Variants in ITGA10 observed in about 807,000 individuals in gnomAD.
The protein encoded by ITGA10 is integrin alpha-10.
ITGA10 carries 105 observed loss-of-function variants against 145.2 expected under a neutral mutation model. The observed-to-expected ratio is 0.72, with a 90% CI of 0.62 to 0.85. The LOEUF (loss-of-function observed/expected upper bound fraction) is 0.85, where lower values mean the gene tolerates loss of function less well. Ranked by LOEUF, ITGA10 falls within the 40% of genes least tolerant of loss-of-function variation. The pLI, the probability that ITGA10 is intolerant of heterozygous loss-of-function variation, is 0.00. For missense variants in ITGA10, 1,317 were observed against 1,444.5 expected (o/e 0.91, Z 1.43); for synonymous variants, 506 against 557.8 (o/e 0.91, Z 1.31).
At chr1:145,896,183 C>G in intron 24 of ITGA10, 85 bp downstream of exon 24, 1 of 1,478,242 alleles carries the variant, frequency 6.8e-7, no homozygotes, top group Admixed American at 1.7e-5. Context: ...CCATTAAAAT[C>G]CAAGAGAGAC....
intron 27 of ITGA10, among the ~76,000 whole-genome samples, chr1:145,894,944 G>T (rs1363991929): frequency 6.6e-6 from 1 of 152,034 alleles, no homozygotes; most frequent in Non-Finnish European, 1.5e-5. Flanking sequence ...TCCTGCAAAT[G>T]TTGATTGATA....
Position 145,906,426 on chromosome 1 carries a change from T to C in ITGA10, c.449A>G (p.Gln150Arg). The change falls in exon 5 of 30, where the codon CAG (glutamine) becomes CGG (arginine). Residue 150 changes from glutamine to arginine, a missense_variant. Coordinates refer to ENST00000369304, the MANE Select transcript of ITGA10 (RefSeq NM_003637.5). Reference protein sequence around the residue: ...GICARVDASFQPQGSLAPTAQ... With the variant: ...GICARVDASFRPQGSLAPTAQ... Reference sequence around the variant, plus strand: ...AGTGGGTGCCAGGCTTCCCTGAGGCTGGAATGAAGCATCCACACGGGCACA... The same window carrying C: ...AGTGGGTGCCAGGCTTCCCTGAGGCCGGAATGAAGCATCCACACGGGCACA... 6.2e-7 allele frequency: 1 copy of C among 1,614,028 alleles called. No individual in the cohort carries two copies. Among genetic ancestry groups the C allele is most frequent in the Admixed American group, 1.7e-5 (1 of 60,012 alleles).
At chr1:145,909,549 A>C (rs1179282300) in intron 1 of ITGA10, among the ~76,000 whole-genome samples, 2 of 133,812 alleles carry the variant, frequency 1.5e-5, no homozygotes, top group African/African-American at 3.0e-5. Flanking sequence ...ATTATGTTAT[A>C]TATTATATGT....
At chr1:145,909,872 TC>T in intron 1 of ITGA10, 90 bp downstream of exon 1, 1 of 1,147,220 alleles carries the variant, frequency 8.7e-7, no homozygotes, top group South Asian at 1.2e-5. Context: ...CTAACCTAAA[TC>T]CCAAAGAATT....
chr1:145,895,584 C>G, intron 26 of ITGA10, 47 bp downstream of exon 26: 1 of 1,581,604 alleles, frequency 6.3e-7, no homozygotes. Flanking sequence ...CCAAGTCACC[C>G]AACTCCACTT....
chr1:145,895,789 C>T, intron 25 of ITGA10, 78 bp from the exon 26 acceptor site: 7 of 1,316,644 alleles, frequency 5.3e-6, no homozygotes, highest in South Asian at 1.2e-5. Context: ...AACATACCTA[C>T]ACCCTTGTAG....
Position 145,902,247 on chromosome 1 carries a change from T to G in ITGA10, c.1148A>C (p.Lys383Thr), listed in dbSNP as rs781913857. The change falls in exon 10 of 30, where the codon AAG (lysine) becomes ACG (threonine). Residue 383 changes from lysine (K) to threonine (T), a missense_variant and splice_region_variant. Transcript: ENST00000369304. ...SQIGFSTHRL[K>T]DGILFGMVGA... ...AATGAAGGGGTCAATCTGTCCAACC[T>G]TTAGCCGATGAGTGGAGAAACCAAT... 1.2e-6 allele frequency: 2 copies of G among 1,614,086 alleles called. No individual in the cohort carries two copies. Among genetic ancestry groups the G allele is most frequent in the Non-Finnish European group, 1.7e-6 (2 of 1,179,938 alleles).
chr1:145,902,067 T>G, intron 10 of ITGA10, 46 bp from the exon 11 acceptor site: 1 of 1,588,324 alleles, frequency 6.3e-7, no homozygotes. Flanking sequence ...CAGTGGGGAA[T>G]AAAGAGAAAA....
In ITGA10 at chr1:145,909,965, G is replaced by C; in HGVS notation, c.50C>G (p.Thr17Arg). 1 of 1,612,956 alleles carries C rather than the reference G, an allele frequency of 6.2e-7. No individual in the cohort carries two copies. The highest frequency in any genetic ancestry group is 8.5e-7 in the Non-Finnish European group (1 of 1,179,224). ...THLFLPLVFL[T>R]GLCSPFNLDE... The stretch of plus-strand genomic sequence containing the variant: ...ACCAAGAAGTTAACTTCCCTCACCT[G>C]TCAGGAACACCAGGGGCAAGAACAG... Residue 17 changes from threonine to arginine, a missense_variant and splice_region_variant, in exon 1 of 30, where the codon ACA becomes AGA. By Grantham distance (71) the Thr-to-Arg change is moderately conservative (BLOSUM62 -1). Coordinates refer to ENST00000369304, the MANE Select transcript of ITGA10 (RefSeq NM_003637.5).
At chr1:145,897,723 T>C (rs1027729815) in intron 19 of ITGA10, 70 bp from the exon 20 acceptor site, 1 of 1,612,420 alleles carries the variant, frequency 6.2e-7, no homozygotes, top group Non-Finnish European at 8.5e-7. Context: ...ACTTTTGTTA[T>C]CATGGGTAAG....
intron 3 of ITGA10, 68 bp downstream of exon 3, chr1:145,906,973 T>A: frequency 8.0e-7 from 1 of 1,247,686 alleles, no homozygotes; most frequent in South Asian, 1.4e-5. Flanking sequence ...AGCTGAGGTA[T>A]AGGGAGTTGA....
At position 145,896,822 on chromosome 1, in the gene ITGA10, G is replaced by A. The variant is rs782783872; in HGVS notation, c.2781C>T (p.Asn927=). ...GGATGTAGGCTGAGGTCTGGGCTGT[G>A]TTATCTTGAAGGGTCCCATTTCTCT... is the stretch of plus-strand genomic sequence containing the variant. ...SLERNGTLQD[N]TAQTSAYIQY... Residue 927 remains asparagine, a synonymous_variant, in exon 23 of 30, where the codon AAC becomes AAT. Transcript: ENST00000369304. The A allele has an allele frequency of 6.2e-7, 1 of 1,614,080 alleles. No individual in the cohort carries two copies. Among genetic ancestry groups the A allele is most frequent in the Admixed American group, 1.7e-5 (1 of 60,012 alleles).
At chr1:145,903,637 C>G (rs1255022267) in intron 7 of ITGA10, among the ~76,000 whole-genome samples, 1 of 151,628 alleles carries the variant, frequency 6.6e-6, no homozygotes, top group African/African-American at 2.4e-5. Flanking sequence ...CCTGCCCTAA[C>G]TCTTCTTCTT....
At chr1:145,898,408 G>A (rs587642045) in intron 17 of ITGA10, among the ~76,000 whole-genome samples, 185 bp from the exon 18 acceptor site, 6 of 151,854 alleles carry the variant, frequency 4.0e-5, no homozygotes, top group South Asian at 2.1e-4. Context: ...TCGCTCTGTC[G>A]CCCAGGCTGG....
intron 17 of ITGA10, 28 bp from the exon 18 acceptor site, chr1:145,898,251 C>T (rs1553746140): frequency 7.1e-7 from 1 of 1,414,826 alleles, no homozygotes. Flanking sequence ...CACAGAGTCA[C>T]AGAGTCAAGG....
At position 145,897,897 on chromosome 1, in the gene ITGA10, G is replaced by A. The variant is rs1655664379; in HGVS notation, c.2350C>T (p.Pro784Ser). 6.2e-7 allele frequency: 1 copy of A among 1,613,390 alleles called. No homozygotes were observed. The highest frequency in any genetic ancestry group is 1.1e-5 in the South Asian group (1 of 91,070). ...GSPTSIQKLV[P>S]FSKDCGPDNE... ...TCAGGGCCACAATCCTTTGAGAAGG[G>A]GACCTGGAAGAAAGGGAAGGGGCTA... is the stretch of plus-strand genomic sequence containing the variant. The change falls in exon 19 of 30, where the codon CCC becomes TCC. Residue 784 changes from proline (P) to serine (S), a missense_variant. By Grantham distance (74) the Pro-to-Ser change is moderately conservative (BLOSUM62 -1). Coordinates refer to ENST00000369304, the MANE Select transcript of ITGA10 (RefSeq NM_003637.5).
At chr1:145,894,745 T>C (rs182663887) in intron 27 of ITGA10, among the ~76,000 whole-genome samples, 2 of 152,176 alleles carry the variant, frequency 1.3e-5, no homozygotes, top group Non-Finnish European at 2.9e-5. Flanking sequence ...ACAATCTTAC[T>C]TCCCACCACT....
intron 5 of ITGA10, among the ~76,000 whole-genome samples, chr1:145,905,601 G>C (rs182153914): frequency 3.1e-4 from 47 of 151,864 alleles, no homozygotes; most frequent in African/African-American, 1.0e-3. Flanking sequence ...TTTTGAGACA[G>C]AGTCTCACTC....
At chr1:145,894,158 C>T (rs587705173) in intron 27 of ITGA10, among the ~76,000 whole-genome samples, 4 of 148,108 alleles carry the variant, frequency 2.7e-5, no homozygotes, top group African/African-American at 1.0e-4. Context: ...GTCACCCAGG[C>T]TGGAGTGCAG....
Sources: gnomAD v4.1 joint callset for allele counts (sites outside exome capture counted in the v4.1 genomes callset) on GRCh38, gnomAD v4.1.1 for gene constraint, MANE v1.5 for transcripts, NCBI Gene and HGNC (gene_info 2026-07-23, HGNC 2026-07-21) for gene names.